Variants in TSNARE1 observed in about 807,000 individuals in gnomAD.
The protein encoded by TSNARE1 is t-SNARE domain-containing protein 1.
TSNARE1 carries 49 observed loss-of-function variants against 62.0 expected under a neutral mutation model. The ratio of observed to expected loss-of-function variants is 0.79; its 90% CI spans 0.63 to 1.00. TSNARE1 has a LOEUF of 1.00. Among genes scored for constraint, TSNARE1 ranks in the 50% least tolerant of loss-of-function variants. TSNARE1 has a pLI of 0.00. For missense variants in TSNARE1, 755 were observed against 700.1 expected, an observed-to-expected ratio of 1.08 and a Z score of -0.88; for synonymous variants, 328 against 294.4, an observed-to-expected ratio of 1.11 and a Z score of -1.17.
intron 9 of TSNARE1, among the ~76,000 whole-genome samples, chr8:142,313,573 CTGTGTT>C (rs1828007069): frequency 6.6e-6 from 1 of 151,856 alleles, no homozygotes; most frequent in Non-Finnish European, 1.5e-5. Context: ...GTCTGCGCAT[CTGTGTT>C]TATCTGCATG....
intron 11 of TSNARE1, chr8:142,277,010 G>A (rs75634147): frequency 0.012 from 12,086 of 985,456 alleles, 89 homozygotes; most frequent in Non-Finnish European, 0.014. Context: ...CTGTGCGGCC[G>A]CGTGTTGCTC....
At chr8:142,303,225 C>T (rs1480086918) in intron 9 of TSNARE1, among the ~76,000 whole-genome samples, 1 of 152,174 alleles carries the variant, frequency 6.6e-6, no homozygotes, top group South Asian at 2.1e-4. Context: ...AGGGTGGGCA[C>T]GTGCAGAGAC....
chr8:142,273,880 T>C lies in TSNARE1; in HGVS notation c.1446+901A>G, dbSNP rs377099216. 3.0e-6 allele frequency: 3 copies of C among 985,282 alleles called. No homozygotes were observed. The African/African-American group carries it at 5.2e-5, about 17-fold the overall frequency. The allele number at this position is 985,282 out of a possible 1,614,324, so 61.0% of individuals were successfully genotyped here. Reference sequence around the variant, plus strand: ...CTGTGATATCCCAGCGTCCTGGGGATGTGGCTCCTCTCTCGTCACACCTGC... The same window carrying C: ...CTGTGATATCCCAGCGTCCTGGGGACGTGGCTCCTCTCTCGTCACACCTGC... On this transcript the variant is annotated intron_variant, in intron 12 of 13. Coordinates refer to ENST00000524325, the MANE Select transcript of TSNARE1 (RefSeq NM_145003.5).
At chr8:142,302,788 TG>T (rs1825994439) in intron 9 of TSNARE1, among the ~76,000 whole-genome samples, 2 of 151,994 alleles carry the variant, frequency 1.3e-5, no homozygotes, top group Admixed American at 6.5e-5. Flanking sequence ...TGACTGGGAA[TG>T]GAAATCCAGG....
chr8:142,292,664 G>A (rs1823998179), intron 10 of TSNARE1, among the ~76,000 whole-genome samples: 1 of 152,224 alleles, frequency 6.6e-6, no homozygotes, highest in East Asian at 1.9e-4. Context: ...AGTGGGGTGA[G>A]GACAGGGAAG....
intron 12 of TSNARE1, among the ~76,000 whole-genome samples, chr8:142,263,233 T>C (rs540392656): frequency 6.6e-6 from 1 of 152,380 alleles, no homozygotes; most frequent in East Asian, 1.9e-4. Context: ...GGGTATTCAA[T>C]TGTAACAAAT....
chr8:142,379,802 G>A (rs1836602209), intron 1 of TSNARE1, among the ~76,000 whole-genome samples: 1 of 152,196 alleles, frequency 6.6e-6, no homozygotes, highest in African/African-American at 2.4e-5. Context: ...TGCTGACATA[G>A]GCCTGGCAGG....
intron 1 of TSNARE1, among the ~76,000 whole-genome samples, chr8:142,387,037 A>G (rs1221057533): frequency 1.3e-5 from 2 of 152,218 alleles, no homozygotes; most frequent in Non-Finnish European, 2.9e-5. Context: ...TGGAACAATG[A>G]TGAAAACTGA....
chr8:142,288,715 C>T lies in TSNARE1; in HGVS notation c.1291-4230G>A, dbSNP rs979381492. On this transcript the variant is annotated intron_variant, in intron 10 of 13. Transcript: ENST00000524325. ...ATGTTCTCTGGGCTGGGGCTGCTGC[C>T]GGGGCTCCCGCCCACTCACTGCTAG... 3.7e-4 allele frequency among the ~76,000 whole-genome samples: 56 copies of T among 152,368 alleles called. 1 individual carries two copies. The highest frequency in any genetic ancestry group is 1.5e-4 in the Non-Finnish European group (10 of 68,024).
chr8:142,270,138 C>A (rs1819389348), intron 12 of TSNARE1: 1 of 985,360 alleles, frequency 1.0e-6, no homozygotes, highest in African/African-American at 1.7e-5. Context: ...CCCGCTCCTG[C>A]TCGCTCCCGA....
intron 9 of TSNARE1, among the ~76,000 whole-genome samples, chr8:142,305,385 G>A (rs1039751313): frequency 3.9e-5 from 6 of 152,226 alleles, no homozygotes; most frequent in Admixed American, 2.6e-4. Context: ...CCGTGTGGAC[G>A]CCCAGGAAAG....
chr8:142,345,567 G>A (rs1563958736), intron 3 of TSNARE1, among the ~76,000 whole-genome samples, 176 bp downstream of exon 3: 1 of 152,192 alleles, frequency 6.6e-6, no homozygotes, highest in East Asian at 1.9e-4. Flanking sequence ...TGGGCCGGCT[G>A]CACCCTTGAC....
intron 12 of TSNARE1, among the ~76,000 whole-genome samples, chr8:142,262,299 A>C (rs1342650982): frequency 2.0e-5 from 3 of 152,196 alleles, no homozygotes; most frequent in Non-Finnish European, 4.4e-5. Flanking sequence ...GCAGCTTTAC[A>C]AAACCCACTC....
intron 12 of TSNARE1, among the ~76,000 whole-genome samples, chr8:142,248,947 C>A (rs901699580): frequency 6.6e-6 from 1 of 152,250 alleles, no homozygotes; most frequent in Non-Finnish European, 1.5e-5. Flanking sequence ...CCCACGCCTC[C>A]TCCACTTCTA....
chr8:142,268,383 A>G (rs1378064720), intron 12 of TSNARE1, among the ~76,000 whole-genome samples: 1 of 152,106 alleles, frequency 6.6e-6, no homozygotes, highest in Non-Finnish European at 1.5e-5. Context: ...CGGCTCTCCT[A>G]GCTTGGCCCT....
At chr8:142,368,920 C>T (rs577098947) in intron 1 of TSNARE1, among the ~76,000 whole-genome samples, 2 of 152,322 alleles carry the variant, frequency 1.3e-5, no homozygotes, top group Non-Finnish European at 2.9e-5. Flanking sequence ...CCTGGGCCCA[C>T]TGCAGGAGTG....
chr8:142,328,979 A>G (rs11984722), intron 6 of TSNARE1, among the ~76,000 whole-genome samples: 35,365 of 152,152 alleles, frequency 0.23, 4,302 homozygotes, highest in South Asian at 0.31. Flanking sequence ...TCCCTCCTAC[A>G]CTGCAGGGCT....
intron 9 of TSNARE1, among the ~76,000 whole-genome samples, chr8:142,303,300 C>T (rs1212770923): frequency 6.6e-6 from 1 of 152,112 alleles, no homozygotes; most frequent in Admixed American, 6.5e-5. Context: ...GGGGGATCAC[C>T]TCCCCTGGAG....
chr8:142,404,973 G>A (rs1477418461), upstream of TSNARE1: 1 of 152,366 alleles, frequency 6.6e-6, no homozygotes, highest in African/African-American at 2.4e-5. Flanking sequence ...AGGCGTATAT[G>A]GGGCTGTTTC....
Sources: allele counts gnomAD v4.1 joint callset (sites outside exome capture counted in the v4.1 genomes callset), GRCh38; gene constraint gnomAD v4.1.1; transcripts MANE v1.5; gene names NCBI Gene and HGNC (gene_info 2026-07-23, HGNC 2026-07-21).